Variants in ANKRD36C observed in about 807,000 individuals in gnomAD.
ANKRD36C encodes the protein ankyrin repeat domain 36C, also known as ankyrin repeat domain-containing protein 36C.
Under a neutral mutation model 276.4 loss-of-function variants are expected in ANKRD36C, and 61 were observed. The observed-to-expected ratio is 0.22, with a 90% CI of 0.18 to 0.27. The LOEUF is 0.27. Among genes scored for constraint, ANKRD36C ranks in the 10% least tolerant of loss-of-function variants. The pLI is 1.00. For missense variants in ANKRD36C, 1,447 were observed against 2,032.3 expected (o/e 0.71, Z 5.54); for synonymous variants, 483 against 680.1 (o/e 0.71, Z 4.51).
At chr2:95,980,781 C>T (rs1267038155) in exon 5 of ANKRD36C, 30 of 1,587,352 alleles carry the variant, frequency 1.9e-5, no homozygotes, top group African/African-American at 4.0e-5. Context: ...TGTATGAGGG[C>T]TGATCTAAAA....
intron 8 of ANKRD36C, among the ~76,000 whole-genome samples, chr2:95,961,388 T>C (rs1437898586): frequency 1.3e-5 from 2 of 152,060 alleles, no homozygotes; most frequent in African/African-American, 4.8e-5. Flanking sequence ...AAATTTAGCA[T>C]ACTTATACAA....
At chr2:95,903,323 T>G (rs1446605690) in intron 42 of ANKRD36C, among the ~76,000 whole-genome samples, 1 of 150,390 alleles carries the variant, frequency 6.6e-6, no homozygotes, top group African/African-American at 2.4e-5. Flanking sequence ...TGCCAAAAAT[T>G]AAAATAAAAC....
chr2:95,991,814 C>G (rs1679151377), upstream of ANKRD36C: 2 of 1,070,970 alleles, frequency 1.9e-6, no homozygotes, highest in African/African-American at 1.6e-5. Flanking sequence ...CACGGACCTT[C>G]GCACAGACTC....
At chr2:95,922,006 T>A (rs1677284821) in intron 32 of ANKRD36C, among the ~76,000 whole-genome samples, 196 bp from the exon 33 acceptor site, 1 of 151,656 alleles carries the variant, frequency 6.6e-6, no homozygotes. Context: ...GATATATTCC[T>A]AACTATTTCA....
At chr2:95,962,304 C>T in intron 8 of ANKRD36C, 48 bp downstream of exon 8, 1 of 1,529,130 alleles carries the variant, frequency 6.5e-7, no homozygotes, top group Non-Finnish European at 8.8e-7. Flanking sequence ...AACAGCAGTT[C>T]CCTTCTATCC....
At chr2:95,968,768 G>A (rs532038685) in intron 6 of ANKRD36C, among the ~76,000 whole-genome samples, 18 of 152,272 alleles carry the variant, frequency 1.2e-4, no homozygotes, top group Non-Finnish European at 1.9e-4. Context: ...TGGGCCTCCA[G>A]AACTTCTAAT....
chr2:95,952,983 G>A (rs1678235777), intron 14 of ANKRD36C, among the ~76,000 whole-genome samples: 1 of 152,262 alleles, frequency 6.6e-6, no homozygotes, highest in African/African-American at 2.4e-5. Flanking sequence ...TCTGAAATTT[G>A]AAATTTAGAA....
In ANKRD36C at chr2:95,910,329, T is replaced by C. The variant is rs776775413; in HGVS notation, c.2653+1915A>G. ...TTTATTTGGAGAAGAGAACTTCTTA[T>C]CTATCTGGACAGAACACGACATTAA... is the stretch of plus-strand genomic sequence containing the variant. On this transcript the variant is annotated intron_variant, in intron 42 of 66. Coordinates refer to ENST00000456556, the Ensembl canonical transcript of ANKRD36C. 78 of 1,506,460 alleles carry C rather than the reference T, an allele frequency of 5.2e-5. 1 individual carries two copies. The South Asian group carries it at 9.4e-4, about 18-fold the overall frequency. 93.3% of individuals were successfully genotyped at this position (1,506,460 alleles called of 1,614,324 possible).
chr2:95,931,101 C>T (rs1649789578), intron 24 of ANKRD36C, among the ~76,000 whole-genome samples: 1 of 151,718 alleles, frequency 6.6e-6, no homozygotes, highest in Non-Finnish European at 1.5e-5. Flanking sequence ...TTGACCTCCA[C>T]ATTAGTTTCT....
intron 6 of ANKRD36C, among the ~76,000 whole-genome samples, chr2:95,967,914 C>T (rs1258456944): frequency 6.6e-6 from 1 of 151,948 alleles, no homozygotes; most frequent in East Asian, 1.9e-4. Flanking sequence ...CATGGTGAAA[C>T]CCCATCTCAA....
intron 18 of ANKRD36C, 21 bp from the exon 19 acceptor site, chr2:95,944,715 A>G: frequency 6.5e-7 from 1 of 1,535,906 alleles, no homozygotes; most frequent in Non-Finnish European, 8.7e-7. Context: ...AACAAAGTCA[A>G]GAGTAGATGA....
chr2:95,960,125 G>A (rs1361420243), intron 10 of ANKRD36C, among the ~76,000 whole-genome samples: 5 of 151,944 alleles, frequency 3.3e-5, no homozygotes, highest in East Asian at 3.9e-4. Context: ...GTGATCAGGC[G>A]CCTATAATTT....
intron 42 of ANKRD36C, among the ~76,000 whole-genome samples, chr2:95,911,116 G>C (rs922766458): frequency 7.9e-5 from 12 of 151,484 alleles, no homozygotes; most frequent in Admixed American, 5.9e-4. Flanking sequence ...CCTGTTTGCT[G>C]ATACCTAGTA....
chr2:95,939,343 G>C, intron 20 of ANKRD36C, among the ~76,000 whole-genome samples: 1 of 152,346 alleles, frequency 6.6e-6, no homozygotes. Context: ...CGTCAAATGA[G>C]AGAACCAAAG....
chr2:95,878,826 T>A (rs1676010838), intron 58 of ANKRD36C, among the ~76,000 whole-genome samples: 1 of 152,092 alleles, frequency 6.6e-6, no homozygotes. Context: ...CTGGTGAGGA[T>A]GTGGAGAAAG....
chr2:95,977,953 C>T (rs1405052219), intron 6 of ANKRD36C, among the ~76,000 whole-genome samples, 169 bp downstream of exon 6: 1 of 151,802 alleles, frequency 6.6e-6, no homozygotes, highest in Non-Finnish European at 1.5e-5. Context: ...TATAAATTAC[C>T]TACAATTAAC....
At chr2:95,891,785 T>A (rs763047227) in intron 45 of ANKRD36C, 47 bp downstream of exon 65, 4 of 1,559,952 alleles carry the variant, frequency 2.6e-6, no homozygotes. Flanking sequence ...GTATGTTTCA[T>A]AGACTATACA....
Position 95,920,625 on chromosome 2 carries a change from A to G in ANKRD36C, c.2245+982T>C, listed in dbSNP as rs1573768202. Among the ~76,000 whole-genome samples, 2 of 132,838 alleles carry G rather than the reference A, an allele frequency of 1.5e-5. 1 individual carries two copies. The highest frequency in any genetic ancestry group is 3.3e-5 in the Non-Finnish European group (2 of 59,836). 87.1% of individuals were successfully genotyped at this position (132,838 alleles called of 152,430 possible). On this transcript the variant is annotated intron_variant, in intron 34 of 66. Coordinates refer to ENST00000456556, the Ensembl canonical transcript of ANKRD36C. ...AGCCTCAATAAAAATATCATCAACT[A>G]TCAATTTTGACATACTTCTACAAAG...
chr2:95,973,573 A>G (rs1204861671), intron 6 of ANKRD36C, among the ~76,000 whole-genome samples: 1 of 151,990 alleles, frequency 6.6e-6, no homozygotes, highest in East Asian at 1.9e-4. Context: ...AGTTCTTATA[A>G]AACTAAAAAT....
Sources: allele counts gnomAD v4.1 joint callset (sites outside exome capture counted in the v4.1 genomes callset), GRCh38; gene constraint gnomAD v4.1.1; transcripts MANE v1.5; gene names NCBI Gene and HGNC (gene_info 2026-07-23, HGNC 2026-07-21).